Variants in LRP1B observed in about 807,000 individuals in gnomAD.
The protein encoded by LRP1B is low-density lipoprotein receptor-related protein 1B.
In LRP1B, 217 loss-of-function variants were observed where a neutral mutation model predicts 556.6. That is an observed-to-expected ratio of 0.39 (90% confidence interval 0.35 to 0.44). LRP1B has a LOEUF of 0.44. Among genes scored for constraint, LRP1B ranks in the 20% least tolerant of loss-of-function variants. LRP1B has a pLI of 1.00. For synonymous variants in LRP1B, 2,047 were observed against 1,865.8 expected, an observed-to-expected ratio of 1.10 and a Z score of -2.50; for missense variants, 5,053 against 5,620.8, an observed-to-expected ratio of 0.90 and a Z score of 3.23.
At chr2:141,131,045 T>C (rs551360646) in intron 7 of LRP1B, among the ~76,000 whole-genome samples, 1 of 152,114 alleles carries the variant, frequency 6.6e-6, no homozygotes, top group African/African-American at 2.4e-5. Flanking sequence ...ACTTAAAACC[T>C]AGATGACGGG....
chr2:140,990,842 A>G (rs2105354780), intron 16 of LRP1B, among the ~76,000 whole-genome samples: 1 of 152,248 alleles, frequency 6.6e-6, no homozygotes, highest in East Asian at 1.9e-4. Flanking sequence ...TATGCCCAGT[A>G]GTTACACTTC....
chr2:140,694,075 CT>C (rs976814248), intron 41 of LRP1B, among the ~76,000 whole-genome samples: 1 of 151,994 alleles, frequency 6.6e-6, no homozygotes, highest in Non-Finnish European at 1.5e-5. Flanking sequence ...GCAATATTTG[CT>C]TTTTTTAAAA....
chr2:140,868,707 G>A (rs943828113), intron 25 of LRP1B, among the ~76,000 whole-genome samples: 2 of 152,160 alleles, frequency 1.3e-5, no homozygotes, highest in Non-Finnish European at 1.5e-5. Flanking sequence ...CATAGTGAGT[G>A]AGGAAGAGAG....
In LRP1B at chr2:140,233,183, T is replaced by C. The variant is rs1680542541; in HGVS notation, c.*3A>G. 6.3e-7 allele frequency: 1 copy of C among 1,579,886 alleles called. No individual in the cohort carries two copies. Among genetic ancestry groups the C allele is most frequent in the Non-Finnish European group, 8.7e-7 (1 of 1,155,218 alleles). ...TTATACAGCATATAAAAGATATCAC[T>C]GATTATGCCACTGTCTCTCTTATAC... On this transcript the variant is annotated 3_prime_UTR_variant, in exon 91 of 91. Transcript: ENST00000389484.
intron 1 of LRP1B, among the ~76,000 whole-genome samples, chr2:141,924,229 G>C (rs1700275271): frequency 6.6e-6 from 1 of 151,996 alleles, no homozygotes; most frequent in South Asian, 2.1e-4. Context: ...CAGGGAAAGA[G>C]AGAAGAGAAG....
intron 11 of LRP1B, among the ~76,000 whole-genome samples, chr2:141,046,189 C>G (rs1030517338): frequency 6.6e-6 from 1 of 152,078 alleles, no homozygotes; most frequent in Non-Finnish European, 1.5e-5. Context: ...TGTTTATTTA[C>G]AAACAGCAAA....
chr2:141,940,871 A>T (rs1700777022), intron 1 of LRP1B, among the ~76,000 whole-genome samples: 2 of 152,316 alleles, frequency 1.3e-5, no homozygotes, highest in East Asian at 1.9e-4. Context: ...CCTGTTACAG[A>T]TGCCAAACCT....
At chr2:140,266,993 C>T (rs1024525971) in intron 86 of LRP1B, among the ~76,000 whole-genome samples, 1 of 152,032 alleles carries the variant, frequency 6.6e-6, no homozygotes, top group Non-Finnish European at 1.5e-5. Flanking sequence ...TAGAATTGAA[C>T]AGGACTGGTC....
At chr2:140,669,480 A>G (rs1448752177) in intron 41 of LRP1B, among the ~76,000 whole-genome samples, 1 of 152,204 alleles carries the variant, frequency 6.6e-6, no homozygotes, top group Admixed American at 6.5e-5. Flanking sequence ...GGAAAGAAAC[A>G]GAAGTATCCA....
At chr2:142,112,302 A>G (rs1707025622) in intron 1 of LRP1B, among the ~76,000 whole-genome samples, 1 of 152,094 alleles carries the variant, frequency 6.6e-6, no homozygotes, top group African/African-American at 2.4e-5. Context: ...AAGTGACGGA[A>G]TCATTTCAAA....
chr2:140,968,610 A>C (rs1351529116), intron 18 of LRP1B, among the ~76,000 whole-genome samples: 1 of 151,268 alleles, frequency 6.6e-6, no homozygotes, highest in African/African-American at 2.4e-5. Flanking sequence ...TAGTTCTTTC[A>C]ATTGTGATGT....
chr2:141,046,809 T>C (rs1023276206), intron 11 of LRP1B, among the ~76,000 whole-genome samples: 2 of 152,102 alleles, frequency 1.3e-5, no homozygotes, highest in African/African-American at 4.8e-5. Flanking sequence ...TGGCCAGGCA[T>C]GGTGGCTCAT....
At position 141,210,250 on chromosome 2, in the gene LRP1B, G is replaced by GAA. The variant is rs11370397; in HGVS notation, c.850+18931_850+18932dup. On this transcript the variant is annotated intron_variant, in intron 6 of 90. Coordinates refer to ENST00000389484, the MANE Select transcript of LRP1B (RefSeq NM_018557.3). ...AACTTACGGAGGTCAGGAAATATAA[G>GAA]AAAAAAAAATGCCCATGTTACCTGA... Among the ~76,000 whole-genome samples, 946 of 149,038 alleles carry GAA rather than the reference G, an allele frequency of 6.3e-3. 8 individuals are homozygous for GAA. The highest frequency in any genetic ancestry group is 0.022 in the African/African-American group (895 of 40,286).
At chr2:141,752,241 C>T (rs1203067655) in intron 2 of LRP1B, among the ~76,000 whole-genome samples, 6 of 152,098 alleles carry the variant, frequency 3.9e-5, no homozygotes. Context: ...GTTACAAATG[C>T]ATTTTTAAGT....
At chr2:140,645,752 A>T (rs904039936) in intron 41 of LRP1B, among the ~76,000 whole-genome samples, 2 of 151,482 alleles carry the variant, frequency 1.3e-5, no homozygotes, top group Non-Finnish European at 2.9e-5. Flanking sequence ...GTTAGCCAGG[A>T]TGGTCTTGAT....
At chr2:141,646,570 G>C (rs1228431687) in intron 2 of LRP1B, among the ~76,000 whole-genome samples, 1 of 152,038 alleles carries the variant, frequency 6.6e-6, no homozygotes, top group African/African-American at 2.4e-5. Flanking sequence ...TGCTCATTGG[G>C]TGTATAGCAA....
chr2:141,162,248 C>A (rs907775233), intron 7 of LRP1B, among the ~76,000 whole-genome samples: 2 of 152,166 alleles, frequency 1.3e-5, no homozygotes, highest in South Asian at 4.1e-4. Context: ...CTGGATGTGT[C>A]ATTGCAGAGC....
intron 1 of LRP1B, among the ~76,000 whole-genome samples, chr2:141,955,983 C>T (rs1258759291): frequency 6.6e-6 from 1 of 151,980 alleles, no homozygotes; most frequent in African/African-American, 2.4e-5. Context: ...GCAAGAGGAT[C>T]CCTTGAGGCC....
intron 35 of LRP1B, among the ~76,000 whole-genome samples, chr2:140,721,756 A>G (rs1687412048): frequency 6.8e-6 from 1 of 147,058 alleles, no homozygotes; most frequent in South Asian, 2.1e-4. Context: ...ACGAGGTAGC[A>G]CCATGTTAGC....
Sources: allele counts gnomAD v4.1 joint callset (sites outside exome capture counted in the v4.1 genomes callset), GRCh38; gene constraint gnomAD v4.1.1; transcripts MANE v1.5; gene names NCBI Gene and HGNC (gene_info 2026-07-23, HGNC 2026-07-21).